The following SEC14L5 variants were observed in gnomAD, a reference collection of about 807,000 sequenced individuals.
The protein encoded by SEC14L5 is SEC14-like protein 5.
A neutral mutation model predicts 84.6 loss-of-function variants in SEC14L5; 96 were observed. The ratio of observed to expected loss-of-function variants is 1.13; its 90% CI spans 0.96 to 1.34. SEC14L5 has a LOEUF of 1.34. Ranked by LOEUF, SEC14L5 falls within the 40% of genes most tolerant of loss-of-function variation. The probability of loss-of-function intolerance (pLI) is 0.00; values close to 1 mark genes in which losing one functional copy is unlikely to be tolerated. For synonymous variants in SEC14L5, 546 were observed against 383.4 expected, an observed-to-expected ratio of 1.42 and a Z score of -4.95; for missense variants, 1,224 against 942.5, an observed-to-expected ratio of 1.30 and a Z score of -3.91.
chr16:4,981,255 G>GTTTT (rs58882220), intron 2 of SEC14L5, among the ~76,000 whole-genome samples: 30 of 92,936 alleles, frequency 3.2e-4, no homozygotes, highest in Non-Finnish European at 4.6e-4. Context: ...TAGCTAATTG[G>GTTTT]TTTTTTTTTT....
chr16:4,961,646 A>C (rs1277098614), intron 2 of SEC14L5, among the ~76,000 whole-genome samples: 1 of 152,146 alleles, frequency 6.6e-6, no homozygotes. Context: ...ATATAGCCTT[A>C]AGTGCTATAT....
At chr16:4,995,970 C>G (rs1357814004) in intron 6 of SEC14L5, among the ~76,000 whole-genome samples, 2 of 152,084 alleles carry the variant, frequency 1.3e-5, no homozygotes, top group Non-Finnish European at 2.9e-5. Flanking sequence ...GCCTGCCTCA[C>G]AGGGGTGTGG....
Position 4,988,249 on chromosome 16 carries a change from G to A in SEC14L5, c.314G>A (p.Arg105His). The stretch of plus-strand genomic sequence containing the variant: ...GCGCACAATGAGACCTTCGCCAACC[G>A]CGTGGTGGTGAACGAGCACTGCAGC... ...IEAHNETFAN[R>H]VVVNEHCSYT... Residue 105 changes from arginine to histidine, a missense_variant, in exon 4 of 16, where the codon CGC becomes CAC. Arg to His is a conservative substitution (Grantham distance 29). Coordinates refer to ENST00000251170, the MANE Select transcript of SEC14L5 (RefSeq NM_014692.2). The A allele has an allele frequency of 6.2e-7, 1 of 1,613,732 alleles. No homozygotes were observed. Among genetic ancestry groups the A allele is most frequent in the Non-Finnish European group, 8.5e-7 (1 of 1,179,754 alleles).
At chr16:4,996,530 G>T in intron 7 of SEC14L5, 70 bp downstream of exon 7, 1 of 776,902 alleles carries the variant, frequency 1.3e-6, no homozygotes, top group Non-Finnish European at 2.2e-6. Flanking sequence ...CCGTGCATGG[G>T]AAGGAAAGGC....
At chr16:5,011,437 T>C (rs548668418) in intron 15 of SEC14L5, among the ~76,000 whole-genome samples, 164 bp downstream of exon 15, 1 of 152,136 alleles carries the variant, frequency 6.6e-6, no homozygotes, top group South Asian at 2.1e-4. Context: ...CGCACTAGGG[T>C]GTGAGGAGAG....
chr16:4,979,775 A>G (rs1369498101), intron 2 of SEC14L5, among the ~76,000 whole-genome samples: 1 of 152,100 alleles, frequency 6.6e-6, no homozygotes, highest in Non-Finnish European at 1.5e-5. Flanking sequence ...AAAGCAGCAG[A>G]CAGAACCTGA....
In SEC14L5 at chr16:4,967,739, A is replaced by AT. The variant is rs373179469; in HGVS notation, c.63+8358dup. ...AGGTGCCCGCCACCATGCCTGGCTGATTTTTGTATTTTTAATAGAGATGGG... is the reference window on the plus strand; with the variant it reads ...AGGTGCCCGCCACCATGCCTGGCTGATTTTTTGTATTTTTAATAGAGATGGG... On this transcript the variant is annotated intron_variant, in intron 2 of 15. Transcript: ENST00000251170. 1.3e-4 allele frequency among the ~76,000 whole-genome samples: 20 copies of AT among 149,476 alleles called. 1 individual carries two copies. Among genetic ancestry groups the AT allele is most frequent in the African/African-American group, 4.2e-4 (17 of 40,544 alleles).
chr16:4,970,691 T>A (rs1224292981), intron 2 of SEC14L5, among the ~76,000 whole-genome samples: 1 of 152,036 alleles, frequency 6.6e-6, no homozygotes, highest in Non-Finnish European at 1.5e-5. Context: ...CACACATGGG[T>A]GGCACGGGCT....
At chr16:4,975,213 C>T (rs1955326030) in intron 2 of SEC14L5, among the ~76,000 whole-genome samples, 1 of 151,986 alleles carries the variant, frequency 6.6e-6, no homozygotes, top group African/African-American at 2.4e-5. Flanking sequence ...TTTGTCACGC[C>T]TGTAATCCTA....
chr16:4,959,452 G>T (rs1266798921), intron 2 of SEC14L5, 66 bp downstream of exon 2: 34 of 1,355,228 alleles, frequency 2.5e-5, no homozygotes, highest in African/African-American at 5.7e-5. Flanking sequence ...AGCTATGGCG[G>T]TAGGAAGACG....
chr16:5,007,242 A>G, intron 12 of SEC14L5, 110 bp from the exon 13 acceptor site: 1 of 906,366 alleles, frequency 1.1e-6, no homozygotes, highest in Non-Finnish European at 1.7e-6. Flanking sequence ...CCATTCAGTA[A>G]GGGGTTGCAA....
chr16:5,010,941 C>T, intron 14 of SEC14L5, 154 bp from the exon 15 acceptor site: 1 of 678,532 alleles, frequency 1.5e-6, no homozygotes, highest in Non-Finnish European at 2.5e-6. Flanking sequence ...TCCAGAGGCC[C>T]TGACAGGAGG....
At chr16:4,987,858 G>T (rs536498760) in intron 3 of SEC14L5, among the ~76,000 whole-genome samples, 152 bp downstream of exon 3, 9 of 152,290 alleles carry the variant, frequency 5.9e-5, no homozygotes, top group Admixed American at 5.9e-4. Flanking sequence ...CCAGGATGAG[G>T]GTGGCGGGAC....
At chr16:5,000,376 A>C (rs1955661593) in intron 8 of SEC14L5, among the ~76,000 whole-genome samples, 1 of 152,232 alleles carries the variant, frequency 6.6e-6, no homozygotes, top group Non-Finnish European at 1.5e-5. Flanking sequence ...GTGTTCAAGC[A>C]ATCCTCCTGC....
In SEC14L5 at chr16:5,017,236, A is replaced by G. The variant is rs1456631839; in HGVS notation, c.*2266A>G. The G allele has an allele frequency of 6.6e-6, 1 of 152,088 alleles. No homozygotes were observed. The highest frequency in any genetic ancestry group is 1.5e-5 in the Non-Finnish European group (1 of 68,020). 9.4% of individuals were successfully genotyped at this position (152,088 alleles called of 1,614,324 possible). A position where few individuals can be genotyped will look rare whatever the true frequency, so the allele number is the denominator to read the frequency against. On this transcript the variant is annotated 3_prime_UTR_variant, in exon 16 of 16. Transcript: ENST00000251170. ...TCCACCCTTAACAGTGGGGGTGAGGAACCTCAGGCCCTTTCAGTTCTGCTC... is the reference window on the plus strand; with the variant it reads ...TCCACCCTTAACAGTGGGGGTGAGGGACCTCAGGCCCTTTCAGTTCTGCTC...
At chr16:4,963,807 A>T (rs140298042) in intron 2 of SEC14L5, among the ~76,000 whole-genome samples, 2 of 152,146 alleles carry the variant, frequency 1.3e-5, no homozygotes, top group African/African-American at 4.8e-5. Context: ...GAGTACAAGC[A>T]TGCACCACCA....
intron 12 of SEC14L5, among the ~76,000 whole-genome samples, chr16:5,006,823 T>C (rs1434040450): frequency 6.6e-6 from 1 of 152,098 alleles, no homozygotes; most frequent in African/African-American, 2.4e-5. Context: ...TCCCAGTGTT[T>C]CTACAAGTGA....
At chr16:5,012,408 T>G (rs1955815943) in intron 15 of SEC14L5, among the ~76,000 whole-genome samples, 1 of 152,166 alleles carries the variant, frequency 6.6e-6, no homozygotes, top group Non-Finnish European at 1.5e-5. Flanking sequence ...TGTCCTCTTG[T>G]AGCCTCATGA....
chr16:4,989,270 A>G (rs1347502814), intron 4 of SEC14L5, among the ~76,000 whole-genome samples: 4 of 149,952 alleles, frequency 2.7e-5, no homozygotes, highest in Non-Finnish European at 5.9e-5. Context: ...TGATAACTCC[A>G]GGATAGCAAT....
Sources: allele counts gnomAD v4.1 joint callset (sites outside exome capture counted in the v4.1 genomes callset), GRCh38; gene constraint gnomAD v4.1.1; transcripts MANE v1.5; gene names NCBI Gene and HGNC (gene_info 2026-07-23, HGNC 2026-07-21).